SGCE: variants seen among roughly 807,000 people sequenced by gnomAD.
SGCE encodes the protein epsilon-sarcoglycan.
In SGCE, 26 loss-of-function variants were observed where a neutral mutation model predicts 57.8. That is an observed-to-expected ratio of 0.45 (90% CI 0.33 to 0.62). The LOEUF (loss-of-function observed/expected upper bound fraction) is 0.62. Ranked by LOEUF, SGCE falls within the 20% of genes least tolerant of loss-of-function variation. The pLI is 0.02. For missense variants in SGCE, 468 were observed against 548.6 expected, an observed-to-expected ratio of 0.85 and a Z score of 1.47; for synonymous variants, 183 against 189.5, an observed-to-expected ratio of 0.97 and a Z score of 0.28.
chr7:94,649,729 T>C (rs759458947), intron 1 of SGCE, among the ~76,000 whole-genome samples: 13 of 152,226 alleles, frequency 8.5e-5, no homozygotes, highest in Non-Finnish European at 1.9e-4. Context: ...ATATACTTCA[T>C]ACAGTCAGAG....
rs918778458 is a variant in SGCE at position 94,644,608 on chromosome 7, T to C, written c.109+11382A>G. 2.4e-6 allele frequency: 3 copies of C among 1,275,726 alleles called. No homozygotes were observed. In the African/African-American group the frequency reaches 4.6e-5, roughly 19 times the overall value. The allele number at this position is 1,275,726 out of a possible 1,614,324, so 79.0% of individuals were successfully genotyped here. On this transcript the variant is annotated intron_variant, in intron 1 of 10. Coordinates refer to ENST00000648936, the MANE Select transcript of SGCE (RefSeq NM_003919.3). ...TTTAATCTGATTATCATACTCACCT[T>C]AAAAGCAAACTGTCAAGTCTTTCTC...
Position 94,603,343 on chromosome 7 carries a change from ATGT to A in SGCE, c.769_771del (p.Thr257del). 6.2e-7 allele frequency: 1 copy of A among 1,612,624 alleles called. No individual in the cohort carries two copies. Among genetic ancestry groups the A allele is most frequent in the Non-Finnish European group, 8.5e-7 (1 of 1,179,030 alleles). On this transcript the variant is annotated inframe_deletion, in exon 6 of 11. Transcript: ENST00000648936. Reference sequence around the variant, plus strand: ...AATTGAGTACGAAATTTTTTATCACATGTTATTACAGGCTCCATTTCTTGACTA... The same window carrying A: ...AATTGAGTACGAAATTTTTTATCACATATTACAGGCTCCATTTCTTGACTA...
chr7:94,637,293 A>G (rs977783075), intron 1 of SGCE, among the ~76,000 whole-genome samples: 3 of 152,208 alleles, frequency 2.0e-5, no homozygotes, highest in Non-Finnish European at 2.9e-5. Context: ...AATTCTCCTC[A>G]TACAGTTGAC....
At chr7:94,640,230 A>G (rs917265472) in intron 1 of SGCE, among the ~76,000 whole-genome samples, 5 of 152,176 alleles carry the variant, frequency 3.3e-5, no homozygotes, top group African/African-American at 1.2e-4. Context: ...CATCTAGGTG[A>G]AACTATCTGA....
intron 10 of SGCE, among the ~76,000 whole-genome samples, 166 bp from the exon 11 acceptor site, chr7:94,585,681 A>G (rs549479989): frequency 6.6e-6 from 1 of 152,278 alleles, no homozygotes; most frequent in East Asian, 1.9e-4. Context: ...TAAAAAACAG[A>G]AAACAAAAGA....
chr7:94,653,369 G>A (rs933295622), intron 1 of SGCE, among the ~76,000 whole-genome samples: 1 of 151,934 alleles, frequency 6.6e-6, no homozygotes, highest in Non-Finnish European at 1.5e-5. Context: ...TAAATACGAA[G>A]CCCAGTTATT....
intron 10 of SGCE, chr7:94,587,831 G>A: frequency 1.3e-6 from 2 of 1,535,518 alleles, no homozygotes; most frequent in South Asian, 1.2e-5. Context: ...CACGAAAGCA[G>A]TAATAGAGAA....
chr7:94,599,797 G>C (rs1798936691), intron 7 of SGCE, 74 bp from the exon 8 acceptor site: 2 of 1,034,694 alleles, frequency 1.9e-6, no homozygotes, highest in Non-Finnish European at 3.0e-6. Flanking sequence ...ATGCTCATGG[G>C]ATCTTGCATG....
chr7:94,640,981 A>G (rs769873900), intron 1 of SGCE: 2 of 152,290 alleles, frequency 1.3e-5, no homozygotes, highest in Non-Finnish European at 1.5e-5. Flanking sequence ...TGCAGTAAGA[A>G]AGAATGCTCA....
At chr7:94,623,680 A>G in intron 3 of SGCE, 1 of 442,110 alleles carries the variant, frequency 2.3e-6, no homozygotes, top group Non-Finnish European at 4.0e-6. Context: ...ATGCAGATGC[A>G]TCATTAGTAA....
Position 94,628,346 on chromosome 7 carries a change from A to C in SGCE, c.246T>G (p.Asn82Lys), listed in dbSNP as rs1002342370. ...PPYPKPGEISNDPITFNTNLM... is the reference protein window; with the variant it reads ...PPYPKPGEISKDPITFNTNLM... ...AATTTGTATTAAATGTTATGGGATC[A>C]TTACTAATCTCGCCTAGATAAGAAA... The change falls in exon 3 of 11, where the codon AAT becomes AAG. Residue 82 changes from asparagine (N) to lysine (K), a missense_variant. By Grantham distance (94) the Asn-to-Lys change is moderately conservative (BLOSUM62 0). Transcript: ENST00000648936. 3 of 1,609,834 alleles carry C rather than the reference A, an allele frequency of 1.9e-6. No individual in the cohort carries two copies. Among genetic ancestry groups the C allele is most frequent in the Non-Finnish European group, 2.5e-6 (3 of 1,176,878 alleles).
intron 5 of SGCE, among the ~76,000 whole-genome samples, chr7:94,616,294 A>C (rs888995010): frequency 1.3e-5 from 2 of 152,092 alleles, no homozygotes; most frequent in African/African-American, 4.8e-5. Context: ...AAAATTTTGC[A>C]CTTATTACTT....
intron 1 of SGCE, chr7:94,640,923 CAG>C (rs1024382252): frequency 7.9e-5 from 12 of 152,402 alleles, no homozygotes; most frequent in African/African-American, 2.9e-4. Context: ...GCTGGGATTA[CAG>C]GTGTGGGCCA....
chr7:94,612,901 T>C (rs1801279320), intron 5 of SGCE, among the ~76,000 whole-genome samples: 1 of 152,140 alleles, frequency 6.6e-6, no homozygotes, highest in African/African-American at 2.4e-5. Flanking sequence ...ATTCAATCCA[T>C]CATCAGTCTC....
chr7:94,604,015 C>T (rs1023764067), intron 5 of SGCE, among the ~76,000 whole-genome samples: 2 of 152,022 alleles, frequency 1.3e-5, no homozygotes, highest in African/African-American at 4.8e-5. Context: ...ATTAGAAGGC[C>T]TTGCAATCTT....
intron 4 of SGCE, chr7:94,620,706 A>C (rs764578434): frequency 2.0e-5 from 3 of 152,166 alleles, no homozygotes; most frequent in Non-Finnish European, 2.9e-5. Flanking sequence ...GATCAGTGCT[A>C]CTTTTTGGAG....
chr7:94,611,348 A>G (rs1800994655), intron 5 of SGCE, among the ~76,000 whole-genome samples: 1 of 152,200 alleles, frequency 6.6e-6, no homozygotes, highest in African/African-American at 2.4e-5. Flanking sequence ...TACAACATAG[A>G]TGAAACTTGA....
chr7:94,603,545 T>C (rs1799604430), intron 5 of SGCE, 93 bp from the exon 6 acceptor site: 7 of 1,215,260 alleles, frequency 5.8e-6, no homozygotes, highest in Non-Finnish European at 8.4e-6. Flanking sequence ...GCCTTTTGAA[T>C]TGAGAGATTA....
intron 6 of SGCE, among the ~76,000 whole-genome samples, chr7:94,602,859 A>G (rs989682699): frequency 6.6e-6 from 1 of 152,138 alleles, no homozygotes; most frequent in Non-Finnish European, 1.5e-5. Context: ...CTATAATTTG[A>G]GTTGTCAGAA....
Sources: allele counts gnomAD v4.1 joint callset (sites outside exome capture counted in the v4.1 genomes callset), GRCh38; gene constraint gnomAD v4.1.1; transcripts MANE v1.5; gene names NCBI Gene and HGNC (gene_info 2026-07-23, HGNC 2026-07-21).